Variants in COBLL1 observed in about 807,000 individuals in gnomAD.
The protein encoded by COBLL1 is cordon-bleu WH2 repeat protein like 1.
A neutral mutation model predicts 94.8 loss-of-function variants in COBLL1; 50 were observed. The ratio of observed to expected loss-of-function variants is 0.53; its 90% CI spans 0.42 to 0.67. COBLL1 has a LOEUF of 0.67. COBLL1 is among the 30% of genes least tolerant of loss of function. The pLI, the probability that COBLL1 is intolerant of heterozygous loss-of-function variation, is 0.00. For missense variants in COBLL1, 1,362 were observed against 1,348.7 expected, an observed-to-expected ratio of 1.01 and a Z score of -0.15; for synonymous variants, 448 against 473.8, an observed-to-expected ratio of 0.95 and a Z score of 0.71.
chr2:164,750,623 T>C (rs558232430), intron 2 of COBLL1, among the ~76,000 whole-genome samples: 33 of 152,314 alleles, frequency 2.2e-4, no homozygotes, highest in Non-Finnish European at 3.1e-4. Context: ...CTTTTAAATA[T>C]GTATGCCATT....
intron 2 of COBLL1, among the ~76,000 whole-genome samples, chr2:164,815,888 C>A (rs1684715323): frequency 6.6e-6 from 1 of 152,076 alleles, no homozygotes; most frequent in African/African-American, 2.4e-5. Flanking sequence ...CTCCACTGTA[C>A]CCTTCTTCGC....
intron 2 of COBLL1, among the ~76,000 whole-genome samples, chr2:164,750,395 T>C (rs1193408602): frequency 1.3e-5 from 2 of 152,220 alleles, no homozygotes; most frequent in African/African-American, 4.8e-5. Flanking sequence ...CTCTCTGTCC[T>C]TTATCTCCTA....
chr2:164,699,464 C>T lies in COBLL1; in HGVS notation c.1496G>A (p.Gly499Glu). The change falls in exon 11 of 14, where the codon GGA becomes GAA. Residue 499 changes from glycine to glutamate, a missense_variant. By Grantham distance (98) the Gly-to-Glu change is moderately conservative. Transcript: ENST00000652658. ...PHSVVYDTSNGKKVVDSIRNL... is the reference protein window; with the variant it reads ...PHSVVYDTSNEKKVVDSIRNL... ...TCTTATACTGTCAACTACCTTCTTTCCATTGCTTGTATCATATACTACACT... is the reference window on the plus strand; with the variant it reads ...TCTTATACTGTCAACTACCTTCTTTTCATTGCTTGTATCATATACTACACT... 6.2e-7 allele frequency: 1 copy of T among 1,612,306 alleles called. No individual in the cohort carries two copies. The highest frequency in any genetic ancestry group is 8.5e-7 in the Non-Finnish European group (1 of 1,178,550).
chr2:164,666,757 T>TC (rs1056542593), intron 1 of COBLL1, among the ~76,000 whole-genome samples: 19 of 152,338 alleles, frequency 1.2e-4, no homozygotes, highest in African/African-American at 4.6e-4. Context: ...CCTCAACTGT[T>TC]CAAGTTTTCT....
intron 7 of COBLL1, among the ~76,000 whole-genome samples, chr2:164,717,923 A>G (rs1176246256): frequency 6.6e-6 from 1 of 152,232 alleles, no homozygotes; most frequent in African/African-American, 2.4e-5. Context: ...AATGTACAGT[A>G]TAGTTTAGTT....
At chr2:164,814,143 T>C (rs1472211693) in intron 2 of COBLL1, among the ~76,000 whole-genome samples, 1 of 152,096 alleles carries the variant, frequency 6.6e-6, no homozygotes, top group African/African-American at 2.4e-5. Flanking sequence ...AGTAGTAAGG[T>C]AGCAAGAATG....
Position 164,730,106 on chromosome 2 carries a change from C to T in COBLL1, c.240G>A (p.Met80Ile). 1 of 1,612,832 alleles carries T rather than the reference C, an allele frequency of 6.2e-7. No homozygotes were observed. Among genetic ancestry groups the T allele is most frequent in the South Asian group, 1.1e-5 (1 of 90,994 alleles). Reference sequence around the variant, plus strand: ...CACAAAGGAATATCAACAAGTCCATCATAGGTTTACTGTAAAACAAGAGTA... The same window carrying T: ...CACAAAGGAATATCAACAAGTCCATTATAGGTTTACTGTAAAACAAGAGTA... ...KSTTVHGSKP[M>I]MDLLIFLCAQ... The change falls in exon 4 of 14, where the codon ATG becomes ATA. Residue 80 changes from methionine to isoleucine, a missense_variant. Physicochemically the swap from Met to Ile is conservative, Grantham distance 10. Coordinates refer to ENST00000652658, the MANE Select transcript of COBLL1 (RefSeq NM_001365672.2).
At chr2:164,779,689 C>A (rs1384834013) in intron 2 of COBLL1, 2 of 470,908 alleles carry the variant, frequency 4.2e-6, no homozygotes, top group Non-Finnish European at 8.8e-6. Context: ...AGTCTCTCGA[C>A]CAAAAAGTCC....
chr2:164,798,976 C>T (rs940423426), intron 2 of COBLL1, among the ~76,000 whole-genome samples: 5 of 128,080 alleles, frequency 3.9e-5, no homozygotes, highest in Admixed American at 1.9e-4. Flanking sequence ...GCCAAGATCG[C>T]GCCACTGCAT....
intron 2 of COBLL1, among the ~76,000 whole-genome samples, chr2:164,755,852 T>C (rs1359389789): frequency 6.6e-6 from 1 of 152,194 alleles, no homozygotes; most frequent in Non-Finnish European, 1.5e-5. Flanking sequence ...TTCATGTATA[T>C]ATAAAAAATC....
rs1267379499 is a variant in COBLL1, at chr2:164,702,124, CAAT to C, written c.1226-1371_1226-1369del. ...TTATCATTAATAAAAATAGATTACTCAATAAAAAATATTTTAAAATTTAGGTTT... is the reference window on the plus strand; with the variant it reads ...TTATCATTAATAAAAATAGATTACTCAAAAAATATTTTAAAATTTAGGTTT... On this transcript the variant is annotated intron_variant, in intron 9 of 13. Transcript: ENST00000652658. Among the ~76,000 whole-genome samples, 3 of 151,526 alleles carry C rather than the reference CAAT, an allele frequency of 2.0e-5. No individual in the cohort carries two copies. The East Asian group carries it at 5.8e-4, about 29-fold the overall frequency.
intron 11 of COBLL1, among the ~76,000 whole-genome samples, chr2:164,699,087 AT>A (rs34704590): frequency 0.41 from 62,024 of 151,628 alleles, 14,520 homozygotes; most frequent in African/African-American, 0.64. Context: ...AAATTAGATA[AT>A]TTCTATGTTT....
intron 2 of COBLL1, among the ~76,000 whole-genome samples, chr2:164,758,334 T>TTA: frequency 6.6e-6 from 1 of 152,052 alleles, no homozygotes; most frequent in South Asian, 2.1e-4. Flanking sequence ...GCCAAATGTT[T>TTA]TATATATATA....
chr2:164,785,104 G>A (rs969136900), intron 2 of COBLL1, among the ~76,000 whole-genome samples: 2 of 152,152 alleles, frequency 1.3e-5, no homozygotes, highest in Non-Finnish European at 2.9e-5. Flanking sequence ...CCTTGATCTT[G>A]AACTTCCCAG....
chr2:164,700,541 T>C lies in COBLL1; in HGVS notation c.1441A>G (p.Thr481Ala). 1 of 1,612,874 alleles carries C rather than the reference T, an allele frequency of 6.2e-7. No individual in the cohort carries two copies. The highest frequency in any genetic ancestry group is 8.5e-7 in the Non-Finnish European group (1 of 1,179,066). ...SQNSMEEKQE[T>A]KSTDGQEPHS... ...ACTTACTGTCCATCTGTGCTTTTAG[T>C]TTCTTGTTTTTCTTCCATGGAGTTT... The change falls in exon 10 of 14, where the codon ACT becomes GCT. Residue 481 changes from threonine (T) to alanine (A), a missense_variant. Transcript: ENST00000652658.
intron 3 of COBLL1, among the ~76,000 whole-genome samples, chr2:164,732,518 T>C (rs748042126): frequency 6.6e-6 from 1 of 152,206 alleles, no homozygotes; most frequent in African/African-American, 2.4e-5. Flanking sequence ...TTAGGTAATG[T>C]CTAGTTATAT....
In COBLL1 at chr2:164,800,529, C is replaced by T. The variant is rs544291697; in HGVS notation, c.41+40627G>A. 311 of 702,126 alleles carry T rather than the reference C, an allele frequency of 4.4e-4. 1 individual carries two copies. The African/African-American group carries it at 4.9e-3, about 11-fold the overall frequency. The allele number at this position is 702,126 out of a possible 1,614,324, so 43.5% of individuals were successfully genotyped here. A position where few individuals can be genotyped will look rare whatever the true frequency, so the allele number is the denominator to read the frequency against. On this transcript the variant is annotated intron_variant, in intron 2 of 13. Coordinates refer to ENST00000652658, the MANE Select transcript of COBLL1 (RefSeq NM_001365672.2). The stretch of plus-strand genomic sequence containing the variant: ...CTAGAAGTTTCTTATTAAATATACA[C>T]TTACCATGACCCAGCAATCTCTCTC...
At chr2:164,668,588 C>A (rs1691201729) in intron 1 of COBLL1, among the ~76,000 whole-genome samples, 2 of 152,186 alleles carry the variant, frequency 1.3e-5, no homozygotes, top group Admixed American at 1.3e-4. Context: ...AATCAAATTA[C>A]CTGATGCAGG....
At chr2:164,829,122 C>G (rs955652883) in intron 2 of COBLL1, among the ~76,000 whole-genome samples, 6 of 152,314 alleles carry the variant, frequency 3.9e-5, no homozygotes, top group Admixed American at 2.6e-4. Context: ...GAACTGTCAT[C>G]AGCACAACCA....
Sources: gnomAD v4.1 joint callset for allele counts (sites outside exome capture counted in the v4.1 genomes callset) on GRCh38, gnomAD v4.1.1 for gene constraint, MANE v1.5 for transcripts, NCBI Gene and HGNC (gene_info 2026-07-23, HGNC 2026-07-21) for gene names.